The following UST variants were observed in gnomAD, a reference collection of about 807,000 sequenced individuals.
The protein encoded by UST is chondroitin sulfate 2-O-sulfotransferase.
UST carries 21 observed loss-of-function variants against 45.6 expected under a neutral mutation model. The ratio of observed to expected loss-of-function variants is 0.46; its 90% CI spans 0.33 to 0.66. The LOEUF (loss-of-function observed/expected upper bound fraction) is 0.66. UST is among the 30% of genes least tolerant of loss of function. The probability of loss-of-function intolerance (pLI) is 0.02; values close to 1 mark genes in which losing one functional copy is unlikely to be tolerated. For missense variants in UST, 463 were observed against 512.4 expected (o/e 0.90, Z 0.93); for synonymous variants, 215 against 200.6 (o/e 1.07, Z -0.61).
chr6:148,830,608 T>C (rs1399364272), intron 1 of UST, among the ~76,000 whole-genome samples: 2 of 152,268 alleles, frequency 1.3e-5, no homozygotes, highest in East Asian at 1.9e-4. Context: ...GTTTTTTGGA[T>C]TAGAAACTAG....
At chr6:148,875,877 A>G (rs1454491843) in intron 1 of UST, among the ~76,000 whole-genome samples, 2 of 152,254 alleles carry the variant, frequency 1.3e-5, no homozygotes, top group Non-Finnish European at 1.5e-5. Context: ...AGTAGCGACC[A>G]TTTATTGAGC....
At chr6:148,757,878 G>A (rs1423163368) in intron 1 of UST, among the ~76,000 whole-genome samples, 1 of 152,220 alleles carries the variant, frequency 6.6e-6, no homozygotes, top group East Asian at 1.9e-4. Flanking sequence ...CAGAGCTCCG[G>A]GTGTGAAGCA....
At position 149,052,742 on chromosome 6, in the gene UST, G is replaced by A. The variant is rs144702934; in HGVS notation, c.938-21091G>A. Among the ~76,000 whole-genome samples, 131 of 152,312 alleles carry A rather than the reference G, an allele frequency of 8.6e-4. 1 individual carries two copies. In the East Asian group the frequency reaches 0.025, roughly 28 times the overall value. ...TGTTTCTGGAAAGCTTAGTGGTTCT[G>A]TTGAGGTGATGTTCATTGATATTCT... On this transcript the variant is annotated intron_variant, in intron 7 of 7. Transcript: ENST00000367463.
chr6:148,956,447 G>A lies in UST; in HGVS notation c.527+2496G>A, dbSNP rs145206762. Among the ~76,000 whole-genome samples the A allele has an allele frequency of 6.2e-4, 95 of 152,228 alleles. No individual in the cohort carries two copies. In the East Asian group the frequency reaches 0.012, roughly 19 times the overall value. On this transcript the variant is annotated intron_variant, in intron 4 of 7. Coordinates refer to ENST00000367463, the MANE Select transcript of UST (RefSeq NM_005715.3). Reference sequence around the variant, plus strand: ...CCATCATATCTTGTGAGACTTATTCGCTACCACGAGAACAGTATGGGGGAA... The same window carrying A: ...CCATCATATCTTGTGAGACTTATTCACTACCACGAGAACAGTATGGGGGAA...
intron 1 of UST, among the ~76,000 whole-genome samples, chr6:148,795,533 C>CT (rs1776932407): frequency 6.6e-6 from 1 of 152,036 alleles, no homozygotes; most frequent in Non-Finnish European, 1.5e-5. Flanking sequence ...TCTTAAAAAG[C>CT]TTTTTTTCTC....
chr6:148,826,981 T>G (rs2062124), intron 1 of UST, among the ~76,000 whole-genome samples: 7 of 152,046 alleles, frequency 4.6e-5, no homozygotes, highest in Admixed American at 4.6e-4. Flanking sequence ...GATAATCTCC[T>G]GAAGTCTCTT....
chr6:149,058,345 ATGTG>A (rs56994081), intron 7 of UST, among the ~76,000 whole-genome samples: 7,563 of 119,616 alleles, frequency 0.063, 266 homozygotes, highest in Admixed American at 0.12. Flanking sequence ...AAGGAGGAGC[ATGTG>A]TGTGTGTGTG....
At chr6:149,025,741 T>C (rs1033202619) in intron 7 of UST, among the ~76,000 whole-genome samples, 3 of 152,192 alleles carry the variant, frequency 2.0e-5, no homozygotes, top group Non-Finnish European at 2.9e-5. Flanking sequence ...CCAGGTATAG[T>C]GACTTGCACC....
chr6:148,896,435 C>CA (rs1779131591), intron 2 of UST, among the ~76,000 whole-genome samples: 1 of 152,198 alleles, frequency 6.6e-6, no homozygotes, highest in Non-Finnish European at 1.5e-5. Flanking sequence ...CTCCTGAAGC[C>CA]ATTGCTGCTG....
chr6:148,768,290 C>T (rs921129463), intron 1 of UST, among the ~76,000 whole-genome samples: 7 of 152,124 alleles, frequency 4.6e-5, no homozygotes, highest in African/African-American at 1.7e-4. Context: ...TTGGGAATTG[C>T]AGTTTTAAAT....
In UST at chr6:148,844,191, T is replaced by C. The variant is rs544021369; in HGVS notation, c.248-42795T>C. The stretch of plus-strand genomic sequence containing the variant: ...TTAAAAGCAAGAATGAAAATAACTT[T>C]TATTTATTGTGCAATGTGCTAGACA... On this transcript the variant is annotated intron_variant, in intron 1 of 7. Transcript: ENST00000367463. 3.3e-5 allele frequency among the ~76,000 whole-genome samples: 5 copies of C among 152,352 alleles called. No homozygotes were observed. In the South Asian group the frequency reaches 1.0e-3, roughly 32 times the overall value.
At chr6:148,775,528 C>T (rs2114680390) in intron 1 of UST, among the ~76,000 whole-genome samples, 1 of 152,230 alleles carries the variant, frequency 6.6e-6, no homozygotes, top group Non-Finnish European at 1.5e-5. Flanking sequence ...GAAACTACCT[C>T]TGTGTATGTG....
At chr6:148,788,012 C>G (rs923752388) in intron 1 of UST, among the ~76,000 whole-genome samples, 1 of 151,994 alleles carries the variant, frequency 6.6e-6, no homozygotes, top group Non-Finnish European at 1.5e-5. Context: ...AAAGATGTAC[C>G]CGAGACTGGG....
At chr6:148,871,739 T>C (rs528660754) in intron 1 of UST, among the ~76,000 whole-genome samples, 2 of 152,296 alleles carry the variant, frequency 1.3e-5, no homozygotes, top group South Asian at 4.1e-4. Flanking sequence ...TGAGGATATA[T>C]GTGTGTCCTT....
In UST at chr6:148,791,338, A is replaced by G. The variant is rs200788698; in HGVS notation, c.247+43661A>G. ...CCAAGATAGAGGAGAAGAATTCAAT[A>G]TTGCTCTTCCATTATATTTTCCTAG... On this transcript the variant is annotated intron_variant, in intron 1 of 7. Coordinates refer to ENST00000367463, the MANE Select transcript of UST (RefSeq NM_005715.3). Among the ~76,000 whole-genome samples the G allele has an allele frequency of 1.4e-4, 21 of 152,272 alleles. No individual in the cohort carries two copies. The East Asian group carries it at 3.3e-3, about 24-fold the overall frequency.
In UST at chr6:149,074,882, C is replaced by T. The variant is rs1029196927; in HGVS notation, c.*766C>T. Reference sequence around the variant, plus strand: ...TCTGAAAGAGCAAGTCAGCTTGTGCCGCATCCCCAACCAATCCACAGCCTG... The same window carrying T: ...TCTGAAAGAGCAAGTCAGCTTGTGCTGCATCCCCAACCAATCCACAGCCTG... On this transcript the variant is annotated 3_prime_UTR_variant, in exon 8 of 8. Transcript: ENST00000367463. 4 of 152,344 alleles carry T rather than the reference C, an allele frequency of 2.6e-5. No individual in the cohort carries two copies. Among genetic ancestry groups the T allele is most frequent in the African/African-American group, 7.2e-5 (3 of 41,422 alleles). 9.4% of individuals were successfully genotyped at this position (152,344 alleles called of 1,614,324 possible). A position where few individuals can be genotyped will look rare whatever the true frequency, so the allele number is the denominator to read the frequency against.
intron 1 of UST, among the ~76,000 whole-genome samples, chr6:148,872,750 T>C (rs927650857): frequency 2.6e-5 from 4 of 152,168 alleles, no homozygotes; most frequent in African/African-American, 7.2e-5. Flanking sequence ...CTTTTCCAGC[T>C]CCTAGAAGCT....
intron 2 of UST, among the ~76,000 whole-genome samples, chr6:148,920,297 A>G (rs1338215379): frequency 1.4e-5 from 2 of 145,790 alleles, no homozygotes; most frequent in Non-Finnish European, 2.9e-5. Flanking sequence ...TAGAGGACAC[A>G]TTGTGAGCCT....
At chr6:148,883,011 C>T (rs1016117589) in intron 1 of UST, among the ~76,000 whole-genome samples, 5 of 152,198 alleles carry the variant, frequency 3.3e-5, no homozygotes, top group Non-Finnish European at 7.3e-5. Context: ...TCTTACCATG[C>T]TGAGGAACTT....
Sources: allele counts gnomAD v4.1 joint callset (sites outside exome capture counted in the v4.1 genomes callset), GRCh38; gene constraint gnomAD v4.1.1; transcripts MANE v1.5; gene names NCBI Gene and HGNC (gene_info 2026-07-23, HGNC 2026-07-21).